Variants in CACNA2D3 observed in about 807,000 individuals in gnomAD.
CACNA2D3 encodes the protein calcium voltage-gated channel auxiliary subunit alpha2delta 3.
In CACNA2D3, 60 loss-of-function variants were observed where a neutral mutation model predicts 160.6. The observed-to-expected ratio is 0.37, with a 90% CI of 0.30 to 0.46. The LOEUF (loss-of-function observed/expected upper bound fraction) is 0.46. Ranked by LOEUF, CACNA2D3 falls within the 20% of genes least tolerant of loss-of-function variation. The pLI is 1.00. For missense variants in CACNA2D3, 1,205 were observed against 1,365.0 expected (o/e 0.88, Z 1.85); for synonymous variants, 558 against 492.9 (o/e 1.13, Z -1.75).
intron 3 of CACNA2D3, chr3:54,367,557 C>T (rs553368615): frequency 3.3e-4 from 117 of 358,384 alleles, no homozygotes; most frequent in Non-Finnish European, 6.0e-4. Flanking sequence ...TGAAACCCAT[C>T]AGAGTGGTAA....
At chr3:54,764,478 G>GC in intron 13 of CACNA2D3, 127 bp downstream of exon 13, 1 of 1,179,496 alleles carries the variant, frequency 8.5e-7, no homozygotes, top group Non-Finnish European at 1.2e-6. Flanking sequence ...TTGATTGTTT[G>GC]TATAGTGTTG....
chr3:54,479,319 A>C (rs555570930), intron 4 of CACNA2D3, among the ~76,000 whole-genome samples: 2 of 152,156 alleles, frequency 1.3e-5, no homozygotes, highest in Non-Finnish European at 2.9e-5. Flanking sequence ...AGTCTCAGGT[A>C]TGTCTTTATT....
intron 4 of CACNA2D3, among the ~76,000 whole-genome samples, chr3:54,471,122 AC>A (rs770175148): frequency 4.6e-5 from 7 of 152,192 alleles, no homozygotes; most frequent in Non-Finnish European, 1.0e-4. Context: ...TCTCAGCACC[AC>A]ATCACACTTA....
intron 11 of CACNA2D3, among the ~76,000 whole-genome samples, chr3:54,737,343 G>A (rs1701555110): frequency 6.6e-6 from 1 of 152,084 alleles, no homozygotes; most frequent in Admixed American, 6.5e-5. Flanking sequence ...GATAAGGAGA[G>A]GAGGAGGGGT....
intron 2 of CACNA2D3, among the ~76,000 whole-genome samples, chr3:54,198,335 A>G (rs1019379844): frequency 6.6e-6 from 1 of 152,168 alleles, no homozygotes; most frequent in Non-Finnish European, 1.5e-5. Flanking sequence ...GGGCAGTTTC[A>G]TGTATCTTGA....
intron 13 of CACNA2D3, among the ~76,000 whole-genome samples, chr3:54,800,195 A>T (rs1025925578): frequency 6.6e-6 from 1 of 152,064 alleles, no homozygotes; most frequent in African/African-American, 2.4e-5. Flanking sequence ...GCTTCCTTCC[A>T]TATCAGACCC....
intron 27 of CACNA2D3, among the ~76,000 whole-genome samples, chr3:54,906,911 A>G (rs551567013): frequency 5.9e-5 from 9 of 152,318 alleles, no homozygotes; most frequent in African/African-American, 2.2e-4. Flanking sequence ...GCTGGACATT[A>G]GAGCAGCTGC....
intron 4 of CACNA2D3, among the ~76,000 whole-genome samples, chr3:54,442,384 A>T (rs1700158846): frequency 6.6e-6 from 1 of 152,150 alleles, no homozygotes; most frequent in Non-Finnish European, 1.5e-5. Context: ...TGGAGCACAG[A>T]TGCTGTGCTT....
At chr3:54,141,079 G>GTGTGTGTA (rs2107267061) in intron 2 of CACNA2D3, among the ~76,000 whole-genome samples, 1 of 129,068 alleles carries the variant, frequency 7.7e-6, no homozygotes, top group East Asian at 2.2e-4. Flanking sequence ...GTGTGTGTGT[G>GTGTGTGTA]TGTGTGTGCG....
intron 5 of CACNA2D3, among the ~76,000 whole-genome samples, chr3:54,520,320 T>G (rs1701626087): frequency 1.3e-5 from 2 of 152,108 alleles, no homozygotes; most frequent in Non-Finnish European, 2.9e-5. Flanking sequence ...GGCCCAGCAG[T>G]GGGAGGCTGG....
chr3:54,660,134 T>C (rs993797752), intron 11 of CACNA2D3, among the ~76,000 whole-genome samples: 32 of 149,764 alleles, frequency 2.1e-4, no homozygotes, highest in Non-Finnish European at 8.9e-5. Flanking sequence ...GAGAGGAGCC[T>C]TTTGGTTTCT....
chr3:54,972,679 G>A (rs1231983503), intron 29 of CACNA2D3, among the ~76,000 whole-genome samples: 4 of 152,090 alleles, frequency 2.6e-5, no homozygotes, highest in Admixed American at 1.3e-4. Flanking sequence ...GCCTTGGCAG[G>A]AGTGCTGTGG....
intron 10 of CACNA2D3, among the ~76,000 whole-genome samples, chr3:54,641,136 G>C (rs1327033595): frequency 1.3e-5 from 2 of 152,242 alleles, no homozygotes; most frequent in African/African-American, 4.8e-5. Context: ...AGCCTCAAGG[G>C]GTCCTGAGAG....
At chr3:54,595,792 A>C (rs1702943261) in intron 9 of CACNA2D3, among the ~76,000 whole-genome samples, 1 of 152,024 alleles carries the variant, frequency 6.6e-6, no homozygotes, top group African/African-American at 2.4e-5. Flanking sequence ...TTGATTTGAA[A>C]CTGATCAAAT....
chr3:54,381,408 T>C (rs1207574537), intron 3 of CACNA2D3, among the ~76,000 whole-genome samples: 2 of 152,184 alleles, frequency 1.3e-5, no homozygotes, highest in Admixed American at 6.5e-5. Context: ...CATTTTCCAT[T>C]ACCTTCCCGC....
At chr3:54,973,056 C>T (rs1341907090) in intron 29 of CACNA2D3, among the ~76,000 whole-genome samples, 5 of 151,996 alleles carry the variant, frequency 3.3e-5, no homozygotes, top group African/African-American at 7.2e-5. Flanking sequence ...AACTGACATG[C>T]GGTAGTCAGC....
At chr3:54,321,093 G>A (rs976632552) in intron 3 of CACNA2D3, among the ~76,000 whole-genome samples, 20 of 152,204 alleles carry the variant, frequency 1.3e-4, no homozygotes, top group African/African-American at 4.8e-4. Flanking sequence ...GCCGAGGCAG[G>A]CAGATCATCT....
At chr3:54,335,525 C>T (rs181043378) in intron 3 of CACNA2D3, among the ~76,000 whole-genome samples, 6 of 152,314 alleles carry the variant, frequency 3.9e-5, no homozygotes, top group African/African-American at 1.4e-4. Flanking sequence ...CCAGAGGTCA[C>T]TCTCGTTGCC....
At chr3:54,820,459 G>C (rs1310135257) in intron 14 of CACNA2D3, among the ~76,000 whole-genome samples, 1 of 152,060 alleles carries the variant, frequency 6.6e-6, no homozygotes, top group Admixed American at 6.6e-5. Flanking sequence ...TTTTTCTGTG[G>C]TTCTTAAGCA....
Sources: gnomAD v4.1 joint callset for allele counts (sites outside exome capture counted in the v4.1 genomes callset) on GRCh38, gnomAD v4.1.1 for gene constraint, MANE v1.5 for transcripts, NCBI Gene and HGNC (gene_info 2026-07-23, HGNC 2026-07-21) for gene names.